GAB1: variants seen among roughly 807,000 people sequenced by gnomAD.
GAB1 encodes GRB2-associated-binding protein 1.
Under a neutral mutation model 66.5 loss-of-function variants are expected in GAB1, and 19 were observed. That is an observed-to-expected ratio of 0.29 (90% CI 0.20 to 0.42). The LOEUF (loss-of-function observed/expected upper bound fraction) is 0.42, where lower values mean the gene tolerates loss of function less well. Ranked by LOEUF, GAB1 falls within the 10% of genes least tolerant of loss-of-function variation. The pLI is 1.00. For missense variants in GAB1, 732 were observed against 858.5 expected, an observed-to-expected ratio of 0.85 and a Z score of 1.84; for synonymous variants, 294 against 301.4, an observed-to-expected ratio of 0.98 and a Z score of 0.25.
At chr4:143,395,087 A>G (rs561027032) in intron 1 of GAB1, 10 of 152,218 alleles carry the variant, frequency 6.6e-5, no homozygotes, top group Non-Finnish European at 1.3e-4. Context: ...GTGGTTTACT[A>G]CTTAAACGCA....
chr4:143,345,389 G>A (rs1353016207), intron 1 of GAB1, among the ~76,000 whole-genome samples: 1 of 152,108 alleles, frequency 6.6e-6, no homozygotes, highest in Admixed American at 6.5e-5. Flanking sequence ...AAAAACAAAT[G>A]GCCACATTGT....
At chr4:143,447,636 T>A (rs1036603281) in intron 6 of GAB1, among the ~76,000 whole-genome samples, 24 of 152,234 alleles carry the variant, frequency 1.6e-4, no homozygotes, top group Non-Finnish European at 3.1e-4. Context: ...TAGATTGATT[T>A]TGTGTCCTGA....
At chr4:143,442,234 C>T (rs1734284174) in intron 6 of GAB1, among the ~76,000 whole-genome samples, 1 of 152,132 alleles carries the variant, frequency 6.6e-6, no homozygotes, top group African/African-American at 2.4e-5. Flanking sequence ...CTGGTGCTTT[C>T]CTTATTTTCC....
At chr4:143,401,235 C>G (rs1731755826) in intron 1 of GAB1, among the ~76,000 whole-genome samples, 1 of 151,992 alleles carries the variant, frequency 6.6e-6, no homozygotes, top group Non-Finnish European at 1.5e-5. Context: ...CTTCAGGTTA[C>G]AATGCTTAAC....
chr4:143,342,810 GC>G lies in GAB1; in HGVS notation c.72+5552del, dbSNP rs1201990951. Among the ~76,000 whole-genome samples, 5 of 151,804 alleles carry G rather than the reference GC, an allele frequency of 3.3e-5. No individual in the cohort carries two copies. In the East Asian group the frequency reaches 9.7e-4, roughly 29 times the overall value. On this transcript the variant is annotated intron_variant, in intron 1 of 9. Transcript: ENST00000262994. ...ACTCCTGACCTCAGGTGATCCGCCC[GC>G]CTCAGCCTCCCAAAGTGCTGGGATT...
intron 2 of GAB1, among the ~76,000 whole-genome samples, chr4:143,423,791 TG>T: frequency 2.3e-5 from 1 of 43,770 alleles, no homozygotes; most frequent in South Asian, 8.2e-4. Flanking sequence ...AAAAAAAAAG[TG>T]TATATATATA....
intron 6 of GAB1, among the ~76,000 whole-genome samples, chr4:143,448,157 A>T (rs1176108273): frequency 6.6e-6 from 1 of 151,864 alleles, no homozygotes; most frequent in Non-Finnish European, 1.5e-5. Flanking sequence ...ATCATGGTGG[A>T]TAAGCTTTTT....
chr4:143,358,843 G>A (rs549637303), intron 1 of GAB1, among the ~76,000 whole-genome samples: 100 of 152,262 alleles, frequency 6.6e-4, no homozygotes, highest in African/African-American at 2.2e-3. Context: ...GTGGGGATAC[G>A]TAGAATTTTT....
intron 6 of GAB1, among the ~76,000 whole-genome samples, chr4:143,454,772 A>G (rs1286201859): frequency 6.6e-6 from 1 of 152,148 alleles, no homozygotes; most frequent in African/African-American, 2.4e-5. Context: ...TTGTATAATC[A>G]ACTTTCACAC....
At chr4:143,375,217 G>A (rs905916292) in intron 1 of GAB1, among the ~76,000 whole-genome samples, 3 of 152,170 alleles carry the variant, frequency 2.0e-5, no homozygotes, top group African/African-American at 7.2e-5. Context: ...CAAAGTGCTG[G>A]GATTACAGGC....
chr4:143,370,555 C>CT (rs201252697), intron 1 of GAB1, among the ~76,000 whole-genome samples: 22 of 149,820 alleles, frequency 1.5e-4, no homozygotes, highest in South Asian at 4.3e-4. Context: ...GTACAGAACT[C>CT]TTTTTTTTTT....
intron 2 of GAB1, chr4:143,425,336 C>T (rs1300628680): frequency 1.3e-6 from 1 of 771,242 alleles, no homozygotes; most frequent in African/African-American, 1.7e-5. Flanking sequence ...CCACTGGAGC[C>T]AATCCAATTG....
At chr4:143,462,291 C>A (rs1255582894) in intron 8 of GAB1, among the ~76,000 whole-genome samples, 1 of 151,988 alleles carries the variant, frequency 6.6e-6, no homozygotes, top group Non-Finnish European at 1.5e-5. Context: ...TCTAGTAAAA[C>A]TCTAAATCCT....
intron 1 of GAB1, among the ~76,000 whole-genome samples, chr4:143,398,256 G>T (rs1432109880): frequency 6.6e-6 from 1 of 152,144 alleles, no homozygotes; most frequent in African/African-American, 2.4e-5. Context: ...CTTCTATGAA[G>T]GGTGTTAAAA....
intron 1 of GAB1, among the ~76,000 whole-genome samples, chr4:143,354,737 T>G (rs774285086): frequency 2.6e-5 from 4 of 151,742 alleles, no homozygotes; most frequent in Non-Finnish European, 4.4e-5. Context: ...TCATTATTTC[T>G]TTGTTTTAAG....
chr4:143,422,135 G>A (rs959400263), intron 2 of GAB1, among the ~76,000 whole-genome samples: 1 of 152,088 alleles, frequency 6.6e-6, no homozygotes, highest in Non-Finnish European at 1.5e-5. Flanking sequence ...TAAGAAAATG[G>A]TATGTTAGTA....
intron 6 of GAB1, among the ~76,000 whole-genome samples, chr4:143,446,261 C>T (rs1460186741): frequency 6.6e-6 from 1 of 152,140 alleles, no homozygotes; most frequent in Non-Finnish European, 1.5e-5. Context: ...CATACGTGTG[C>T]ATGTGTCTTT....
chr4:143,423,290 T>A (rs1298891552), intron 2 of GAB1, among the ~76,000 whole-genome samples: 2 of 152,222 alleles, frequency 1.3e-5, no homozygotes, highest in Non-Finnish European at 2.9e-5. Flanking sequence ...GTCCTTTGTA[T>A]GTTAATGTGG....
At chr4:143,450,681 G>A (rs1373168377) in intron 6 of GAB1, among the ~76,000 whole-genome samples, 6 of 152,138 alleles carry the variant, frequency 3.9e-5, no homozygotes. Context: ...CCTGAGGTCA[G>A]GAGTTTGAGA....
Sources: gnomAD v4.1 joint callset for allele counts (sites outside exome capture counted in the v4.1 genomes callset) on GRCh38, gnomAD v4.1.1 for gene constraint, MANE v1.5 for transcripts, NCBI Gene and HGNC (gene_info 2026-07-23, HGNC 2026-07-21) for gene names.